HDAC9: variants seen among roughly 807,000 people sequenced by gnomAD.
HDAC9 encodes the protein MEF-2 interacting transcription repressor (MITR) protein.
Under a neutral mutation model 139.4 loss-of-function variants are expected in HDAC9, and 41 were observed. That is an observed-to-expected ratio of 0.29 (90% confidence interval 0.23 to 0.38). The LOEUF is 0.38. Among genes scored for constraint, HDAC9 ranks in the 10% least tolerant of loss-of-function variants. The pLI is 1.00. For synonymous variants in HDAC9, 517 were observed against 476.2 expected, an observed-to-expected ratio of 1.09 and a Z score of -1.12; for missense variants, 1,147 against 1,297.0, an observed-to-expected ratio of 0.88 and a Z score of 1.78.
intron 1 of HDAC9, among the ~76,000 whole-genome samples, chr7:18,305,552 A>G: frequency 6.6e-6 from 1 of 152,150 alleles, no homozygotes; most frequent in East Asian, 1.9e-4. Context: ...CCAAAGAAAC[A>G]TAACTCAAAG....
Position 18,316,618 on chromosome 7 carries a change from G to A in HDAC9, c.-42+26103G>A, listed in dbSNP as rs150158083. ...CTGAGACCAGCCTGGGCAACATGGC[G>A]AAACCAGATCTCTCCAAAAAAAAAA... On this transcript the variant is annotated intron_variant, in intron 1 of 3. Coordinates refer to the HDAC9 transcript ENST00000413509. 6.1e-3 allele frequency among the ~76,000 whole-genome samples: 563 copies of A among 92,910 alleles called. 3 individuals carry two copies. The highest frequency in any genetic ancestry group is 0.02 in the African/African-American group (498 of 24,536). The allele number at this position is 92,910 out of a possible 152,430, so 61.0% of individuals were successfully genotyped here.
chr7:18,762,402 C>A, intron 15 of HDAC9, 125 bp downstream of exon 15: 1 of 1,022,002 alleles, frequency 9.8e-7, no homozygotes, highest in Non-Finnish European at 1.4e-6. Flanking sequence ...AACAGCTTTG[C>A]TCTGTGGAGT....
At chr7:18,801,150 C>A (rs1008120769) in intron 17 of HDAC9, among the ~76,000 whole-genome samples, 4 of 151,854 alleles carry the variant, frequency 2.6e-5, no homozygotes, top group African/African-American at 9.7e-5. Flanking sequence ...TGATATAATG[C>A]TGAAGACAAT....
At chr7:18,859,636 C>T (rs866238199) in intron 21 of HDAC9, among the ~76,000 whole-genome samples, 8 of 151,038 alleles carry the variant, frequency 5.3e-5, no homozygotes, top group South Asian at 2.1e-4. Flanking sequence ...CACACTTTTT[C>T]CAAAGACACA....
chr7:18,218,744 G>C (rs1424194406), intron 2 of HDAC9, among the ~76,000 whole-genome samples: 1 of 152,086 alleles, frequency 6.6e-6, no homozygotes, highest in Non-Finnish European at 1.5e-5. Context: ...TCTAAAATGA[G>C]ATTTTTATAT....
At chr7:18,471,387 C>A (rs561157430) in intron 1 of HDAC9, among the ~76,000 whole-genome samples, 1 of 152,104 alleles carries the variant, frequency 6.6e-6, no homozygotes, top group South Asian at 2.1e-4. Context: ...TAGTTTTTAT[C>A]CAATATTCCA....
intron 2 of HDAC9, among the ~76,000 whole-genome samples, chr7:18,197,647 G>C (rs1018757897): frequency 4.6e-5 from 7 of 152,196 alleles, no homozygotes; most frequent in African/African-American, 1.7e-4. Context: ...AGAAAGATGA[G>C]CCAGTGTATA....
intron 2 of HDAC9, among the ~76,000 whole-genome samples, chr7:18,546,010 T>G (rs1251224849): frequency 6.6e-6 from 1 of 152,220 alleles, no homozygotes; most frequent in Admixed American, 6.5e-5. Flanking sequence ...CAAATTTCTA[T>G]TCTCACTTAT....
In HDAC9 at chr7:18,239,493, T is replaced by C. The variant is rs192769285; in HGVS notation, c.25+77144T>C. ...ATGTACATAAAAGCTGACCAAGGAC[T>C]TTGTGAAAACTTTGGGCTGCCTTCC... is the stretch of plus-strand genomic sequence containing the variant. On this transcript the variant is annotated intron_variant, in intron 2 of 12. Transcript: ENST00000417496. Among the ~76,000 whole-genome samples the C allele has an allele frequency of 3.7e-3, 566 of 152,300 alleles. 1 individual carries two copies. The highest frequency in any genetic ancestry group is 6.5e-3 in the Non-Finnish European group (441 of 68,024).
chr7:18,485,126 C>T (rs955959077), intron 1 of HDAC9, among the ~76,000 whole-genome samples: 13 of 152,222 alleles, frequency 8.5e-5, no homozygotes, highest in Non-Finnish European at 1.5e-4. Flanking sequence ...GGGGGGAACA[C>T]ATTGTTTACT....
intron 1 of HDAC9, among the ~76,000 whole-genome samples, chr7:18,377,291 C>T (rs1228986510): frequency 6.6e-6 from 1 of 152,078 alleles, no homozygotes; most frequent in Non-Finnish European, 1.5e-5. Context: ...GACCCAATCA[C>T]CTACCAAAGG....
At chr7:18,859,708 A>C (rs540830955) in intron 21 of HDAC9, among the ~76,000 whole-genome samples, 22 of 150,448 alleles carry the variant, frequency 1.5e-4, no homozygotes, top group African/African-American at 5.3e-4. Flanking sequence ...AAACCACAGA[A>C]CATTTACTTA....
chr7:18,544,589 C>T (rs147869051), intron 2 of HDAC9, among the ~76,000 whole-genome samples: 3 of 152,248 alleles, frequency 2.0e-5, no homozygotes, highest in Non-Finnish European at 4.4e-5. Flanking sequence ...GATACAAGTT[C>T]TGAGGTCTGA....
chr7:18,135,272 A>T (rs779520498), intron 1 of HDAC9, among the ~76,000 whole-genome samples: 70 of 148,242 alleles, frequency 4.7e-4, no homozygotes, highest in Non-Finnish European at 7.9e-4. Flanking sequence ...TTTTTTTTTT[A>T]AAAAGGTAGT....
At chr7:18,098,059 G>T (rs926462708) in intron 1 of HDAC9, among the ~76,000 whole-genome samples, 2 of 152,010 alleles carry the variant, frequency 1.3e-5, no homozygotes, top group Non-Finnish European at 2.9e-5. Flanking sequence ...TACCCTTTCT[G>T]GTCCAGAAGA....
intron 1 of HDAC9, among the ~76,000 whole-genome samples, chr7:18,382,573 A>G (rs1006449335): frequency 6.6e-5 from 10 of 152,254 alleles, no homozygotes; most frequent in African/African-American, 2.4e-4. Context: ...TGTATTATTT[A>G]GAGTGACTGT....
intron 25 of HDAC9, among the ~76,000 whole-genome samples, chr7:18,978,622 A>C (rs1437109072): frequency 6.6e-6 from 1 of 152,206 alleles, no homozygotes; most frequent in Non-Finnish European, 1.5e-5. Context: ...AAGGGATCCA[A>C]GTTATATAGT....
intron 1 of HDAC9, among the ~76,000 whole-genome samples, chr7:18,389,274 G>A (rs1786238716): frequency 6.6e-6 from 1 of 152,156 alleles, no homozygotes; most frequent in East Asian, 1.9e-4. Context: ...TAGTAGCACA[G>A]AGACCACAAA....
intron 16 of HDAC9, among the ~76,000 whole-genome samples, chr7:18,771,807 A>G (rs552214809): frequency 2.6e-5 from 4 of 152,266 alleles, no homozygotes; most frequent in Admixed American, 1.3e-4. Flanking sequence ...CTATGGACAT[A>G]TAGTTAAACT....
Sources: allele counts gnomAD v4.1 joint callset (sites outside exome capture counted in the v4.1 genomes callset), GRCh38; gene constraint gnomAD v4.1.1; transcripts MANE v1.5; gene names NCBI Gene and HGNC (gene_info 2026-07-23, HGNC 2026-07-21).